TCEANC2: variants seen among roughly 807,000 people sequenced by gnomAD.
TCEANC2 encodes transcription elongation factor A N-terminal and central domain-containing protein 2.
TCEANC2 carries 20 observed loss-of-function variants against 22.8 expected under a neutral mutation model. That is an observed-to-expected ratio of 0.88 (90% CI 0.62 to 1.28). TCEANC2 has a LOEUF of 1.28. Ranked by LOEUF, TCEANC2 falls within the 50% of genes most tolerant of loss-of-function variation. The probability of loss-of-function intolerance (pLI) is 0.00; values close to 1 mark genes in which losing one functional copy is unlikely to be tolerated. For synonymous variants in TCEANC2, 84 were observed against 95.5 expected (o/e 0.88, Z 0.70); for missense variants, 251 against 249.7 (o/e 1.01, Z -0.03).
rs764470272 is a variant in TCEANC2 at position 54,096,367 on chromosome 1, C to T, written c.521C>T (p.Thr174Met). 4.3e-6 allele frequency: 7 copies of T among 1,613,038 alleles called. No individual in the cohort carries two copies. Among genetic ancestry groups the T allele is most frequent in the African/African-American group, 1.3e-5 (1 of 75,070 alleles). The change falls in exon 5 of 5, where the codon ACG (threonine) becomes ATG (methionine). Residue 174 changes from threonine to methionine, a missense_variant. By Grantham distance (81) the Thr-to-Met change is moderately conservative (BLOSUM62 -1). Coordinates refer to ENST00000234827, the MANE Select transcript of TCEANC2 (RefSeq NM_153035.3). The surrounding 1 kb of genome is among the most constrained non-coding windows in gnomAD (Gnocchi z 4.9). ...SRLINGPYRR[T>M]VRALVFTLKH... ...CTCATTAATGGGCCGTACCGGCGGA[C>T]GGTGAGAGCCCTGGTCTTCACATTA...
At chr1:54,071,205 A>G (rs1285139250) in intron 3 of TCEANC2, among the ~76,000 whole-genome samples, 1 of 152,230 alleles carries the variant, frequency 6.6e-6, no homozygotes, top group Non-Finnish European at 1.5e-5. Flanking sequence ...TGTATTAGTT[A>G]TCTATCACTG....
intron 4 of TCEANC2, among the ~76,000 whole-genome samples, chr1:54,094,412 A>G (rs2100386906): frequency 6.6e-6 from 1 of 152,308 alleles, no homozygotes; most frequent in South Asian, 2.1e-4. Flanking sequence ...ATATATGTAC[A>G]GCTCAGTGAA....
intron 2 of TCEANC2, among the ~76,000 whole-genome samples, chr1:54,068,007 C>T (rs998676726): frequency 6.6e-6 from 1 of 152,184 alleles, no homozygotes; most frequent in Non-Finnish European, 1.5e-5. Context: ...AATTTCAATA[C>T]TATAGAAAAG....
At chr1:54,057,595 G>T (rs1203268044) in intron 2 of TCEANC2, among the ~76,000 whole-genome samples, 1 of 151,928 alleles carries the variant, frequency 6.6e-6, no homozygotes, top group Non-Finnish European at 1.5e-5. Flanking sequence ...CAGTGCTATG[G>T]TCTGTTGACT....
intron 3 of TCEANC2, among the ~76,000 whole-genome samples, chr1:54,080,174 C>G (rs1229069288): frequency 6.7e-6 from 1 of 148,698 alleles, no homozygotes; most frequent in East Asian, 2.0e-4. Flanking sequence ...GAGACAGTCT[C>G]ACTCTGTCAG....
intron 2 of TCEANC2, among the ~76,000 whole-genome samples, chr1:54,067,339 C>T (rs146284500): frequency 6.6e-6 from 1 of 152,108 alleles, no homozygotes; most frequent in Non-Finnish European, 1.5e-5. Context: ...AGGTGGGTTG[C>T]CAAAAACTGG....
chr1:54,068,944 C>T, intron 3 of TCEANC2, 47 bp downstream of exon 3: 1 of 1,445,154 alleles, frequency 6.9e-7, no homozygotes, highest in Non-Finnish European at 9.1e-7. Context: ...TATATTTTGT[C>T]TCCCTTCTTC....
chr1:54,065,908 C>A (rs932396173), intron 2 of TCEANC2, among the ~76,000 whole-genome samples: 8 of 150,546 alleles, frequency 5.3e-5, no homozygotes, highest in Non-Finnish European at 1.0e-4. Context: ...CCCATGTCTA[C>A]AAAAAATACA....
chr1:54,062,237 A>G (rs930567560), intron 2 of TCEANC2, among the ~76,000 whole-genome samples: 1 of 152,236 alleles, frequency 6.6e-6, no homozygotes, highest in South Asian at 2.1e-4. Context: ...TATATTGGAA[A>G]GCACATCTTC....
chr1:54,069,014 T>TGGTAAAGGA, intron 3 of TCEANC2, 117 bp downstream of exon 3: 1 of 1,151,516 alleles, frequency 8.7e-7, no homozygotes, highest in Non-Finnish European at 1.1e-6. Context: ...TTCAACTCTC[T>TGGTAAAGGA]GGTAAAGGAC....
At chr1:54,109,040 C>T (rs572346170), downstream of TCEANC2, among the ~76,000 whole-genome samples, 5 of 152,196 alleles carry the variant, frequency 3.3e-5, no homozygotes, top group African/African-American at 4.8e-5. Context: ...GGTCCCAGGC[C>T]GCAGAGATGA....
intron 4 of TCEANC2, among the ~76,000 whole-genome samples, chr1:54,090,607 A>G (rs971394717): frequency 1.3e-5 from 2 of 152,120 alleles, no homozygotes; most frequent in Admixed American, 1.3e-4. Context: ...TTGATAGTTC[A>G]GTGAATTGCT....
intron 2 of TCEANC2, among the ~76,000 whole-genome samples, chr1:54,058,017 A>G (rs1290290162): frequency 2.6e-5 from 4 of 152,212 alleles, no homozygotes; most frequent in African/African-American, 9.7e-5. Flanking sequence ...CAGCTCTGCT[A>G]CTTACTACCT....
At chr1:54,110,678 A>G (rs976268452), downstream of TCEANC2, among the ~76,000 whole-genome samples, 1 of 152,170 alleles carries the variant, frequency 6.6e-6, no homozygotes, top group African/African-American at 2.4e-5. Flanking sequence ...AGAATAAAAC[A>G]AAAGTCCTTA....
downstream of TCEANC2, among the ~76,000 whole-genome samples, chr1:54,108,528 G>C (rs576092156): frequency 2.6e-5 from 4 of 152,166 alleles, no homozygotes; most frequent in Non-Finnish European, 5.9e-5. Flanking sequence ...AAGGAGAGAG[G>C]CCTCAGAAGA....
chr1:54,096,623 G>A lies in TCEANC2; in HGVS notation c.*150G>A. 1.4e-6 allele frequency: 2 copies of A among 1,380,930 alleles called. No individual in the cohort carries two copies. The highest frequency in any genetic ancestry group is 1.9e-6 in the Non-Finnish European group (2 of 1,059,642). 85.5% of individuals were successfully genotyped at this position (1,380,930 alleles called of 1,614,324 possible). On this transcript the variant is annotated 3_prime_UTR_variant, in exon 5 of 5. Transcript: ENST00000234827. This position sits in a 1 kb window ranked among gnomAD's most constrained non-coding sequence, Gnocchi z 4.9. ...TTCCTTTGCAGACAGAGGATTCGGAGAGCCCTAGGAGACAGGCCTGCAGGA... is the reference window on the plus strand; with the variant it reads ...TTCCTTTGCAGACAGAGGATTCGGAAAGCCCTAGGAGACAGGCCTGCAGGA...
intron 3 of TCEANC2, among the ~76,000 whole-genome samples, chr1:54,076,940 A>T (rs1658154812): frequency 6.6e-6 from 1 of 152,164 alleles, no homozygotes; most frequent in Non-Finnish European, 1.5e-5. Flanking sequence ...GGGATGGGGA[A>T]CGTGGATGGT....
chr1:54,094,654 C>T (rs1446317608), intron 4 of TCEANC2, among the ~76,000 whole-genome samples: 1 of 152,228 alleles, frequency 6.6e-6, no homozygotes, highest in African/African-American at 2.4e-5. Context: ...CCCAAGGGCC[C>T]AAGGGCTGAG....
In TCEANC2 at chr1:54,096,171, G is replaced by A; in HGVS notation, c.439-114G>A. On this transcript the variant is annotated intron_variant, in intron 4 of 4. Coordinates refer to ENST00000234827, the MANE Select transcript of TCEANC2 (RefSeq NM_153035.3). The surrounding 1 kb of genome is among the most constrained non-coding windows in gnomAD (Gnocchi z 4.9). ...GTTTCTCTTGTGACAGGAAGTAGAT[G>A]TCCTTGAATTTCAGTTGATTAATGG... 1 of 1,399,236 alleles carries A rather than the reference G, an allele frequency of 7.1e-7. No homozygotes were observed. 86.7% of individuals were successfully genotyped at this position (1,399,236 alleles called of 1,614,324 possible). A position where few individuals can be genotyped will look rare whatever the true frequency, so the allele number is the denominator to read the frequency against.
Sources: allele counts gnomAD v4.1 joint callset (sites outside exome capture counted in the v4.1 genomes callset), GRCh38; gene constraint gnomAD v4.1.1; non-coding constraint Gnocchi (gnomAD v3.1); transcripts MANE v1.5; gene names NCBI Gene and HGNC (gene_info 2026-07-23, HGNC 2026-07-21).